SEMA3E: variants seen among roughly 807,000 people sequenced by gnomAD.
SEMA3E encodes semaphorin 3E, also known as semaphorin-3E.
A neutral mutation model predicts 93.6 loss-of-function variants in SEMA3E; 49 were observed. That is an observed-to-expected ratio of 0.52 (90% CI 0.42 to 0.66). The LOEUF (loss-of-function observed/expected upper bound fraction) is 0.66, where lower values mean the gene tolerates loss of function less well. SEMA3E is among the 30% of genes least tolerant of loss of function. SEMA3E has a pLI of 0.00. For missense variants in SEMA3E, 906 were observed against 964.8 expected (o/e 0.94, Z 0.81); for synonymous variants, 363 against 330.7 (o/e 1.10, Z -1.06).
rs1417738037 is a variant in SEMA3E at position 83,490,144 on chromosome 7, G to T, written c.246C>A (p.Ser82Arg). The T allele has an allele frequency of 6.2e-7, 1 of 1,612,710 alleles. No individual in the cohort carries two copies. The highest frequency in any genetic ancestry group is 8.5e-7 in the Non-Finnish European group (1 of 1,179,308). The change falls in exon 2 of 17, where the codon AGC (serine) becomes AGA (arginine). Residue 82 changes from serine (S) to arginine (R), a missense_variant. Coordinates refer to ENST00000643230, the MANE Select transcript of SEMA3E (RefSeq NM_012431.3). ...VGGRDLVYSL[S>R]LERISDGYKE... The stretch of plus-strand genomic sequence containing the variant: ...TATAGCCGTCACTGATTCTCTCCAA[G>T]CTGAGGGAATATACAAGGTCCCTGC...
chr7:83,594,817 T>C (rs111463143), intron 1 of SEMA3E, among the ~76,000 whole-genome samples: 2 of 152,162 alleles, frequency 1.3e-5, no homozygotes, highest in Admixed American at 6.6e-5. Context: ...TGGCCAGTGA[T>C]TGCTTTTAGA....
chr7:83,467,566 G>A (rs1334299258), intron 3 of SEMA3E, among the ~76,000 whole-genome samples: 3 of 152,186 alleles, frequency 2.0e-5, no homozygotes, highest in African/African-American at 7.2e-5. Flanking sequence ...GAATGTAAAT[G>A]TATTTAGTTT....
At chr7:83,432,874 T>G (rs2115751660) in intron 4 of SEMA3E, among the ~76,000 whole-genome samples, 1 of 152,220 alleles carries the variant, frequency 6.6e-6, no homozygotes, top group South Asian at 2.1e-4. Flanking sequence ...AAAAAATAAT[T>G]TATAGTACAG....
intron 1 of SEMA3E, among the ~76,000 whole-genome samples, chr7:83,532,388 A>G (rs1791320069): frequency 6.6e-6 from 1 of 152,190 alleles, no homozygotes; most frequent in Admixed American, 6.6e-5. Flanking sequence ...ATGAGGACAC[A>G]CACCAAGATG....
At chr7:83,616,727 CT>C (rs542862891) in intron 1 of SEMA3E, 54,396 of 360,920 alleles carry the variant, frequency 0.15, 85 homozygotes, top group South Asian at 0.2. Flanking sequence ...TTCTTTCTTT[CT>C]TTTTTTTTTT....
At chr7:83,635,126 T>C (rs1341256936) in intron 1 of SEMA3E, among the ~76,000 whole-genome samples, 2 of 152,068 alleles carry the variant, frequency 1.3e-5, no homozygotes, top group African/African-American at 2.4e-5. Context: ...GTAACACTTA[T>C]GCTTTGTGAC....
intron 9 of SEMA3E, among the ~76,000 whole-genome samples, chr7:83,404,074 T>C (rs1475302350): frequency 6.6e-6 from 1 of 152,000 alleles, no homozygotes; most frequent in Admixed American, 6.6e-5. Context: ...TAATTTATCA[T>C]ATAAATTCAC....
At chr7:83,543,644 C>T (rs536209339) in intron 1 of SEMA3E, among the ~76,000 whole-genome samples, 7 of 152,094 alleles carry the variant, frequency 4.6e-5, no homozygotes, top group South Asian at 4.1e-4. Context: ...GTAACTAAAA[C>T]GGTAAAGTGA....
chr7:83,586,387 G>A (rs1482228969), intron 1 of SEMA3E, among the ~76,000 whole-genome samples: 1 of 151,906 alleles, frequency 6.6e-6, no homozygotes, highest in African/African-American at 2.4e-5. Context: ...TTGTGAATTT[G>A]GCATTACTAA....
intron 1 of SEMA3E, chr7:83,641,207 C>T (rs370531731): frequency 5.8e-6 from 1 of 171,636 alleles, no homozygotes; most frequent in African/African-American, 2.4e-5. Context: ...TTATCCCACC[C>T]CATCATCTTT....
At chr7:83,566,871 A>G (rs991282180) in intron 1 of SEMA3E, among the ~76,000 whole-genome samples, 1 of 152,230 alleles carries the variant, frequency 6.6e-6, no homozygotes, top group Non-Finnish European at 1.5e-5. Flanking sequence ...GGAACAAAGG[A>G]CATATAAATC....
intron 1 of SEMA3E, among the ~76,000 whole-genome samples, chr7:83,560,783 C>T (rs1792015697): frequency 6.6e-6 from 1 of 151,442 alleles, no homozygotes; most frequent in South Asian, 2.1e-4. Context: ...ATGAACTTTG[C>T]CATCAGAAAA....
chr7:83,519,464 T>TA (rs1791001357), intron 1 of SEMA3E, among the ~76,000 whole-genome samples: 1 of 152,106 alleles, frequency 6.6e-6, no homozygotes, highest in South Asian at 2.1e-4. Context: ...GAGTCTTTTC[T>TA]AACAGTAGAT....
rs2245312 is a variant in SEMA3E, at chr7:83,407,051, C to G, written c.813+46G>C. On this transcript the variant is annotated intron_variant, in intron 7 of 16. Transcript: ENST00000643230. ...TACTATAAACTTAATAAAGGCCTGACCATAAATTGTGAGATAAGCAAGCAT... is the reference window on the plus strand; with the variant it reads ...TACTATAAACTTAATAAAGGCCTGAGCATAAATTGTGAGATAAGCAAGCAT... The G allele has an allele frequency of 0.59, 954,562 of 1,607,260 alleles. 292,922 individuals are homozygous for G. Among genetic ancestry groups the G allele is most frequent in the East Asian group, 0.83 (37,386 of 44,796 alleles).
intron 1 of SEMA3E, among the ~76,000 whole-genome samples, chr7:83,611,225 C>T (rs570233893): frequency 1.4e-5 from 2 of 146,242 alleles, no homozygotes; most frequent in South Asian, 4.3e-4. Context: ...CAAATTTTTC[C>T]GTACCCCAGA....
At chr7:83,555,629 A>C (rs1791871317) in intron 1 of SEMA3E, among the ~76,000 whole-genome samples, 1 of 152,188 alleles carries the variant, frequency 6.6e-6, no homozygotes, top group Non-Finnish European at 1.5e-5. Context: ...ACAAATCAGC[A>C]AATCAATAGA....
rs1794663182 is a variant in SEMA3E, at chr7:83,366,128, A to G, written c.*1458T>C. 1 of 152,084 alleles carries G rather than the reference A, an allele frequency of 6.6e-6. No individual in the cohort carries two copies. The highest frequency in any genetic ancestry group is 1.5e-5 in the Non-Finnish European group (1 of 67,950). 9.4% of individuals were successfully genotyped at this position (152,084 alleles called of 1,614,324 possible). A position where few individuals can be genotyped will look rare whatever the true frequency, so the allele number is the denominator to read the frequency against. The stretch of plus-strand genomic sequence containing the variant: ...ATTGCAAGTGATTATGAGCACTTTA[A>G]CTTAAATGTATAACCTATAAGCTAA... On this transcript the variant is annotated 3_prime_UTR_variant, in exon 17 of 17. Coordinates refer to ENST00000643230, the MANE Select transcript of SEMA3E (RefSeq NM_012431.3).
At chr7:83,458,944 C>T (rs1260774216) in intron 4 of SEMA3E, among the ~76,000 whole-genome samples, 2 of 119,884 alleles carry the variant, frequency 1.7e-5, no homozygotes, top group African/African-American at 5.9e-5. Context: ...TATATATACA[C>T]ATATGTATAT....
intron 2 of SEMA3E, among the ~76,000 whole-genome samples, chr7:83,472,125 T>A (rs1018881930): frequency 2.0e-5 from 3 of 152,138 alleles, no homozygotes; most frequent in African/African-American, 7.2e-5. Context: ...TACATGCCCT[T>A]TTTGGATCTG....
Sources: gnomAD v4.1 joint callset for allele counts (sites outside exome capture counted in the v4.1 genomes callset) on GRCh38, gnomAD v4.1.1 for gene constraint, MANE v1.5 for transcripts, NCBI Gene and HGNC (gene_info 2026-07-23, HGNC 2026-07-21) for gene names.